The following CAPN14 variants were observed in gnomAD, a reference collection of about 807,000 sequenced individuals.
CAPN14 encodes calpain-14.
CAPN14 carries 94 observed loss-of-function variants against 101.3 expected under a neutral mutation model. That is an observed-to-expected ratio of 0.93 (90% confidence interval 0.79 to 1.10). The LOEUF (loss-of-function observed/expected upper bound fraction) is 1.10, where lower values mean the gene tolerates loss of function less well. Ranked by LOEUF, CAPN14 falls within the 50% of genes least tolerant of loss-of-function variation. CAPN14 has a pLI of 0.00. For missense variants in CAPN14, 837 were observed against 828.4 expected, an observed-to-expected ratio of 1.01 and a Z score of -0.13; for synonymous variants, 338 against 317.9, an observed-to-expected ratio of 1.06 and a Z score of -0.67.
chr2:31,181,058 T>C, intron 16 of CAPN14, 58 bp from the exon 17 acceptor site: 1 of 1,425,518 alleles, frequency 7.0e-7, no homozygotes, highest in Admixed American at 2.0e-5. Flanking sequence ...ACACCCCTTT[T>C]CTGAGCAGGA....
Position 31,181,003 on chromosome 2 carries a change from G to A in CAPN14, c.1646-3C>T. On this transcript the variant is annotated splice_region_variant and splice_polypyrimidine_tract_variant and intron_variant, in intron 16 of 21. Transcript: ENST00000403897. ...GAAGGGCTGTCTGCTCCCCAGACCT[G>A]TGAAGGAGCGAAAGAGTCCACATGG... 1 of 1,551,610 alleles carries A rather than the reference G, an allele frequency of 6.4e-7. No homozygotes were observed. Among genetic ancestry groups the A allele is most frequent in the Non-Finnish European group, 8.7e-7 (1 of 1,146,846 alleles).
chr2:31,197,224 C>T (rs1197591552), intron 8 of CAPN14, 25 bp downstream of exon 8: 3 of 1,506,008 alleles, frequency 2.0e-6, no homozygotes, highest in South Asian at 1.2e-5. Context: ...TGTTCTCACC[C>T]CTCCAAGATG....
chr2:31,186,583 T>A (rs1311443539), intron 15 of CAPN14, 98 bp from the exon 16 acceptor site: 1 of 893,026 alleles, frequency 1.1e-6, no homozygotes, highest in African/African-American at 1.7e-5. Flanking sequence ...TAAACTGGGA[T>A]TTCCTAAGAA....
At chr2:31,211,460 A>G (rs1682399111) in intron 1 of CAPN14, among the ~76,000 whole-genome samples, 2 of 152,296 alleles carry the variant, frequency 1.3e-5, no homozygotes, top group African/African-American at 2.4e-5. Context: ...AGAACTAACT[A>G]GAAAATGTAT....
chr2:31,175,993 T>C (rs1680269258), intron 21 of CAPN14, among the ~76,000 whole-genome samples: 1 of 152,242 alleles, frequency 6.6e-6, no homozygotes, highest in African/African-American at 2.4e-5. Flanking sequence ...TATCACTTCA[T>C]TCATTCAACA....
chr2:31,218,467 C>T (rs185818624), upstream of CAPN14, among the ~76,000 whole-genome samples: 1 of 152,230 alleles, frequency 6.6e-6, no homozygotes, highest in Non-Finnish European at 1.5e-5. Flanking sequence ...TGGCCTCTGC[C>T]TTGACTCTAA....
intron 21 of CAPN14, among the ~76,000 whole-genome samples, chr2:31,175,882 C>T (rs1287843347): frequency 2.6e-5 from 4 of 152,068 alleles, no homozygotes; most frequent in African/African-American, 7.2e-5. Flanking sequence ...CATTACCTAG[C>T]GCTACACCTG....
chr2:31,221,263 A>AT (rs768110284), upstream of CAPN14, among the ~76,000 whole-genome samples: 11 of 152,360 alleles, frequency 7.2e-5, no homozygotes, highest in East Asian at 1.9e-3. Context: ...ATAACAAATA[A>AT]TTTGAGTGAA....
chr2:31,178,402 G>A (rs1680418302), intron 18 of CAPN14, 109 bp downstream of exon 18: 5 of 803,036 alleles, frequency 6.2e-6, no homozygotes, highest in Admixed American at 4.3e-5. Context: ...AGAAGGTTTG[G>A]TGAGGTGGAT....
Position 31,189,465 on chromosome 2 carries a change from T to G in CAPN14, c.1301A>C (p.Gln434Pro). The change falls in exon 13 of 22, where the codon CAG (glutamine) becomes CCG (proline). Residue 434 changes from glutamine to proline, a missense_variant. Coordinates refer to ENST00000403897, the MANE Select transcript of CAPN14 (RefSeq NM_001145122.2). ...GAAGAACTCAGGGGGCAGTCTCCTC[T>G]GGTCATCATGGTACTGTGGGTAGAG... ...LYRMNKYHDD[Q>P]RRLPPEFFQR... 1.3e-6 allele frequency: 2 copies of G among 1,551,356 alleles called. No individual in the cohort carries two copies. Among genetic ancestry groups the G allele is most frequent in the Non-Finnish European group, 1.7e-6 (2 of 1,146,846 alleles).
At chr2:31,205,537 T>C (rs1389840227) in intron 1 of CAPN14, 38 bp from the exon 2 acceptor site, 1 of 1,065,444 alleles carries the variant, frequency 9.4e-7, no homozygotes, top group African/African-American at 1.6e-5. Context: ...CCTCACTTCC[T>C]CCTTGTGCTT....
At chr2:31,227,895 G>C (rs1462078521) in intron 1 of CAPN14, among the ~76,000 whole-genome samples, 1 of 152,228 alleles carries the variant, frequency 6.6e-6, no homozygotes, top group Non-Finnish European at 1.5e-5. Flanking sequence ...TAGCTTGGAA[G>C]TGGGGAGAGG....
chr2:31,184,203 A>T (rs968057965), intron 16 of CAPN14, among the ~76,000 whole-genome samples: 1 of 152,152 alleles, frequency 6.6e-6, no homozygotes, highest in African/African-American at 2.4e-5. Flanking sequence ...TTCTTGATGG[A>T]TGCTTTGTCA....
intron 1 of CAPN14, among the ~76,000 whole-genome samples, chr2:31,231,009 T>C (rs950658704): frequency 3.3e-5 from 5 of 152,194 alleles, no homozygotes; most frequent in African/African-American, 1.2e-4. Context: ...CAAAACCATA[T>C]TAACCACTGT....
Position 31,200,444 on chromosome 2 carries a change from G to C in CAPN14, c.726+7C>G, listed in dbSNP as rs1395518507. ...AGGACATTCTGCCAGTGGCAGCCCAGTCTCACCCCTGAGTGGGTCTGGCAG... is the reference window on the plus strand; with the variant it reads ...AGGACATTCTGCCAGTGGCAGCCCACTCTCACCCCTGAGTGGGTCTGGCAG... On this transcript the variant is annotated splice_region_variant and intron_variant, in intron 6 of 21. Coordinates refer to ENST00000403897, the MANE Select transcript of CAPN14 (RefSeq NM_001145122.2). 1.3e-6 allele frequency: 2 copies of C among 1,547,238 alleles called. No individual in the cohort carries two copies. Among genetic ancestry groups the C allele is most frequent in the African/African-American group, 2.7e-5 (2 of 72,930 alleles).
rs1229722864 is a variant in CAPN14, at chr2:31,189,234, A to G, written c.1493+39T>C. 3 of 1,534,138 alleles carry G rather than the reference A, an allele frequency of 2.0e-6. No individual in the cohort carries two copies. In the Admixed American group the frequency reaches 5.9e-5, roughly 30 times the overall value. ...TGCCCTCCTTGCCTGTCCTCGTCCA[A>G]GTGGTCCCCACCCTCTAGGAGAGAC... On this transcript the variant is annotated intron_variant, in intron 13 of 21. Coordinates refer to ENST00000403897, the MANE Select transcript of CAPN14 (RefSeq NM_001145122.2).
intron 17 of CAPN14, 88 bp downstream of exon 17, chr2:31,180,848 G>T: frequency 1.8e-6 from 2 of 1,106,860 alleles, no homozygotes; most frequent in Non-Finnish European, 2.7e-6. Context: ...AGCAAGGATT[G>T]GGGTTGGGAT....
chr2:31,193,316 G>T, intron 9 of CAPN14, 22 bp from the exon 10 acceptor site: 1 of 1,550,184 alleles, frequency 6.5e-7, no homozygotes, highest in East Asian at 2.4e-5. Flanking sequence ...AGAAGGAAAA[G>T]CACAAAGAGA....
chr2:31,219,532 G>T (rs200014689), upstream of CAPN14, among the ~76,000 whole-genome samples: 1 of 152,208 alleles, frequency 6.6e-6, no homozygotes, highest in African/African-American at 2.4e-5. Flanking sequence ...TTACTTTCCC[G>T]TGGAAACAAG....
Sources: gnomAD v4.1 joint callset for allele counts (sites outside exome capture counted in the v4.1 genomes callset) on GRCh38, gnomAD v4.1.1 for gene constraint, MANE v1.5 for transcripts, NCBI Gene and HGNC (gene_info 2026-07-23, HGNC 2026-07-21) for gene names.